Variants in PAN3 observed in about 807,000 individuals in gnomAD.
PAN3 encodes PAN2-PAN3 deadenylation complex subunit PAN3.
PAN3 carries 19 observed loss-of-function variants against 96.2 expected under a neutral mutation model. That is an observed-to-expected ratio of 0.20 (90% confidence interval 0.14 to 0.29). The LOEUF is 0.29. Among genes scored for constraint, PAN3 ranks in the 10% least tolerant of loss-of-function variants. The probability of loss-of-function intolerance (pLI) is 1.00; values close to 1 mark genes in which losing one functional copy is unlikely to be tolerated. For synonymous variants in PAN3, 433 were observed against 406.6 expected, an observed-to-expected ratio of 1.06 and a Z score of -0.78; for missense variants, 882 against 1,108.1, an observed-to-expected ratio of 0.80 and a Z score of 2.90.
intron 1 of PAN3, among the ~76,000 whole-genome samples, chr13:28,143,835 G>GA (rs1870195720): frequency 6.6e-6 from 1 of 152,160 alleles, no homozygotes; most frequent in South Asian, 2.1e-4. Context: ...TGGATAACTT[G>GA]AAGTTCAAAT....
intron 6 of PAN3, among the ~76,000 whole-genome samples, chr13:28,242,070 A>G (rs1378877737): frequency 6.6e-6 from 1 of 152,244 alleles, no homozygotes; most frequent in Non-Finnish European, 1.5e-5. Context: ...AGTAACACAT[A>G]CTAGAGTAAT....
At chr13:28,232,446 A>G (rs1278785402) in intron 6 of PAN3, 1 of 152,072 alleles carries the variant, frequency 6.6e-6, no homozygotes, top group Non-Finnish European at 1.5e-5. Flanking sequence ...ATATTTGCAT[A>G]TAGAAGATGA....
At chr13:28,157,788 A>G (rs1872396071) in intron 1 of PAN3, among the ~76,000 whole-genome samples, 1 of 152,234 alleles carries the variant, frequency 6.6e-6, no homozygotes, top group African/African-American at 2.4e-5. Context: ...CCAAAACAAA[A>G]TAAATATTCA....
intron 7 of PAN3, among the ~76,000 whole-genome samples, chr13:28,258,302 G>T (rs1566235996): frequency 6.6e-6 from 1 of 152,138 alleles, no homozygotes; most frequent in South Asian, 2.1e-4. Context: ...GAGAAAAAAG[G>T]TTTCATTGTT....
chr13:28,250,488 C>T (rs1884619938), intron 6 of PAN3, among the ~76,000 whole-genome samples: 1 of 152,156 alleles, frequency 6.6e-6, no homozygotes, highest in South Asian at 2.1e-4. Flanking sequence ...GCCTCAGCCT[C>T]CCAAGTAGCT....
intron 12 of PAN3, among the ~76,000 whole-genome samples, chr13:28,269,542 G>A (rs766053593): frequency 3.3e-5 from 5 of 151,726 alleles, no homozygotes; most frequent in Non-Finnish European, 5.9e-5. Context: ...GAGTTGATAC[G>A]AGATTCAGAA....
intron 18 of PAN3, among the ~76,000 whole-genome samples, chr13:28,291,270 G>A (rs959607257): frequency 4.6e-5 from 7 of 152,034 alleles, no homozygotes; most frequent in African/African-American, 1.7e-4. Context: ...ATGAAATAAA[G>A]TACATTGAAA....
chr13:28,247,733 T>A (rs1334416887), intron 6 of PAN3, among the ~76,000 whole-genome samples: 1 of 152,210 alleles, frequency 6.6e-6, no homozygotes, highest in East Asian at 1.9e-4. Context: ...ATTAGTTGCC[T>A]ATAAATATGT....
At chr13:28,161,826 G>C (rs1013764388) in intron 1 of PAN3, among the ~76,000 whole-genome samples, 2 of 152,182 alleles carry the variant, frequency 1.3e-5, no homozygotes, top group African/African-American at 4.8e-5. Flanking sequence ...TTTCGAGGGA[G>C]TTCCAGCTCT....
chr13:28,162,270 C>T (rs1332930085), intron 1 of PAN3, among the ~76,000 whole-genome samples: 9 of 152,160 alleles, frequency 5.9e-5, no homozygotes, highest in Non-Finnish European at 8.8e-5. Flanking sequence ...TTCCACAATC[C>T]GATAAAGAAA....
intron 1 of PAN3, among the ~76,000 whole-genome samples, chr13:28,148,215 G>A (rs931677317): frequency 4.6e-5 from 7 of 151,628 alleles, no homozygotes; most frequent in African/African-American, 1.7e-4. Context: ...CTTGGCCTCC[G>A]AGAATGTTGG....
In PAN3 at chr13:28,141,703, G is replaced by A. The variant is rs371832112; in HGVS notation, c.430+2616G>A. On this transcript the variant is annotated intron_variant, in intron 1 of 18. Transcript: ENST00000380958. ...GCTGGTCTCAAACTCCTGATCTCAG[G>A]TGATCCGCCTGCCTCGGCCTCCTAG... Among the ~76,000 whole-genome samples, 43 of 152,152 alleles carry A rather than the reference G, an allele frequency of 2.8e-4. No individual in the cohort carries two copies. The East Asian group carries it at 4.6e-3, about 16-fold the overall frequency.
intron 1 of PAN3, among the ~76,000 whole-genome samples, chr13:28,160,503 T>C (rs2138025333): frequency 6.6e-6 from 1 of 152,318 alleles, no homozygotes; most frequent in South Asian, 2.1e-4. Flanking sequence ...TCTTAGAGAC[T>C]TTTAGTAATA....
chr13:28,235,682 T>TACACACACATACAC (rs1555285729), intron 6 of PAN3, among the ~76,000 whole-genome samples: 4 of 123,404 alleles, frequency 3.2e-5, no homozygotes, highest in African/African-American at 1.4e-4. Flanking sequence ...TTCTCTAATA[T>TACACACACATACAC]ACACACACAC....
intron 6 of PAN3, among the ~76,000 whole-genome samples, chr13:28,241,662 T>C (rs989008135): frequency 1.3e-5 from 2 of 152,220 alleles, no homozygotes; most frequent in African/African-American, 4.8e-5. Flanking sequence ...TTTAGGACTC[T>C]TAGAATTTGG....
intron 1 of PAN3, among the ~76,000 whole-genome samples, chr13:28,170,089 T>C (rs1243849141): frequency 6.6e-6 from 1 of 152,124 alleles, no homozygotes; most frequent in Admixed American, 6.5e-5. Context: ...ATTTTAACCA[T>C]TGATTACTGG....
In PAN3 at chr13:28,255,745, CT is replaced by C. The variant is rs898311351; in HGVS notation, c.1001-535del. 2.2e-3 allele frequency among the ~76,000 whole-genome samples: 322 copies of C among 143,312 alleles called. 3 individuals are homozygous for C. Among genetic ancestry groups the C allele is most frequent in the Middle Eastern group, 0.011 (3 of 272 alleles). 94.0% of individuals were successfully genotyped at this position (143,312 alleles called of 152,430 possible). A position where few individuals can be genotyped will look rare whatever the true frequency, so the allele number is the denominator to read the frequency against. On this transcript the variant is annotated intron_variant, in intron 6 of 18. Transcript: ENST00000380958. ...GCACTTAAGCTGCTATGTATTTCAA[CT>C]TTTTTTTTTTTGCTTTTTCAAACAA...
intron 5 of PAN3, among the ~76,000 whole-genome samples, chr13:28,205,799 C>T (rs1199622352): frequency 6.6e-6 from 1 of 151,126 alleles, no homozygotes; most frequent in Admixed American, 6.6e-5. Context: ...TGCACTGTTG[C>T]ACTCCAGTCT....
intron 5 of PAN3, among the ~76,000 whole-genome samples, chr13:28,205,546 A>T (rs1879241335): frequency 6.6e-6 from 1 of 152,178 alleles, no homozygotes; most frequent in Non-Finnish European, 1.5e-5. Context: ...TTTAGAAAGA[A>T]TAAAGTGTGG....
Sources: allele counts gnomAD v4.1 joint callset (sites outside exome capture counted in the v4.1 genomes callset), GRCh38; gene constraint gnomAD v4.1.1; transcripts MANE v1.5; gene names NCBI Gene and HGNC (gene_info 2026-07-23, HGNC 2026-07-21).